The following MARCHF1 variants were observed in gnomAD, a reference collection of about 807,000 sequenced individuals.
The protein encoded by MARCHF1 is membrane associated ring-CH-type finger 1.
Under a neutral mutation model 54.2 loss-of-function variants are expected in MARCHF1, and 40 were observed. The ratio of observed to expected loss-of-function variants is 0.74; its 90% confidence interval spans 0.57 to 0.96. The LOEUF is 0.96. Ranked by LOEUF, MARCHF1 falls within the 40% of genes least tolerant of loss-of-function variation. The probability of loss-of-function intolerance (pLI) is 0.00; values close to 1 mark genes in which losing one functional copy is unlikely to be tolerated. For missense variants in MARCHF1, 586 were observed against 656.5 expected (o/e 0.89, Z 1.17); for synonymous variants, 236 against 236.3 (o/e 1.00, Z 0.01).
intron 4 of MARCHF1, among the ~76,000 whole-genome samples, chr4:163,853,696 AG>A (rs1265011373): frequency 1.3e-5 from 2 of 152,156 alleles, no homozygotes; most frequent in African/African-American, 4.8e-5. Context: ...TTTCTTCCAA[AG>A]GTTTCATTAC....
chr4:164,260,548 A>G (rs1733433109), intron 1 of MARCHF1, among the ~76,000 whole-genome samples: 1 of 152,018 alleles, frequency 6.6e-6, no homozygotes. Context: ...CTCACATTAG[A>G]TGTTTCTCTT....
intron 4 of MARCHF1, among the ~76,000 whole-genome samples, chr4:163,789,768 C>T (rs1393764847): frequency 6.6e-6 from 1 of 151,898 alleles, no homozygotes; most frequent in African/African-American, 2.4e-5. Context: ...ACTTGGACTT[C>T]TTTTTTTATT....
chr4:163,787,947 C>A (rs772596711), intron 4 of MARCHF1, among the ~76,000 whole-genome samples: 3 of 151,946 alleles, frequency 2.0e-5, no homozygotes, highest in Admixed American at 1.3e-4. Context: ...CCCTCAAGGA[C>A]AATTATGCTG....
chr4:163,969,625 T>C (rs1752510529), intron 3 of MARCHF1, among the ~76,000 whole-genome samples: 1 of 152,230 alleles, frequency 6.6e-6, no homozygotes, highest in Admixed American at 6.5e-5. Flanking sequence ...TATGTTGTAG[T>C]CCATCTGGAT....
chr4:163,759,183 AC>A (rs1373791505), intron 4 of MARCHF1, among the ~76,000 whole-genome samples: 1 of 145,414 alleles, frequency 6.9e-6, no homozygotes, highest in African/African-American at 2.8e-5. Context: ...GAAAGTAGAG[AC>A]CTTTTTTTTT....
At chr4:163,562,067 TG>T (rs1441797674) in intron 8 of MARCHF1, among the ~76,000 whole-genome samples, 3 of 151,882 alleles carry the variant, frequency 2.0e-5, no homozygotes, top group Non-Finnish European at 4.4e-5. Flanking sequence ...GAGGCCGAGG[TG>T]GGCAGATCAC....
At chr4:164,102,521 A>G (rs1341986460) in intron 2 of MARCHF1, among the ~76,000 whole-genome samples, 1 of 150,492 alleles carries the variant, frequency 6.6e-6, no homozygotes, top group Admixed American at 6.6e-5. Context: ...ACTAAGCTTC[A>G]TAAGTGAAGG....
intron 3 of MARCHF1, among the ~76,000 whole-genome samples, chr4:163,983,456 A>G (rs1259655724): frequency 1.3e-5 from 2 of 152,204 alleles, no homozygotes; most frequent in Admixed American, 6.5e-5. Context: ...GTCATATTTT[A>G]TAATAGCACC....
chr4:163,691,724 G>A (rs1561022273), intron 5 of MARCHF1, among the ~76,000 whole-genome samples: 1 of 152,026 alleles, frequency 6.6e-6, no homozygotes, highest in South Asian at 2.1e-4. Context: ...GCTATGTTGA[G>A]GTGAAACAAA....
intron 4 of MARCHF1, among the ~76,000 whole-genome samples, chr4:163,759,111 T>G (rs1380254329): frequency 6.6e-6 from 1 of 152,022 alleles, no homozygotes; most frequent in Non-Finnish European, 1.5e-5. Context: ...TATTCACTTT[T>G]TTTTTTCCTA....
chr4:164,074,929 A>C (rs994313208), intron 2 of MARCHF1, among the ~76,000 whole-genome samples: 6 of 151,570 alleles, frequency 4.0e-5, no homozygotes, highest in Non-Finnish European at 8.8e-5. Flanking sequence ...ATAAAATATA[A>C]TTTCTTATAA....
chr4:164,213,704 C>A (rs756777923), intron 1 of MARCHF1, among the ~76,000 whole-genome samples: 5 of 151,776 alleles, frequency 3.3e-5, no homozygotes, highest in Non-Finnish European at 7.4e-5. Context: ...AATGAGATGT[C>A]CTTTAGATGA....
chr4:163,741,992 A>G (rs756223028), intron 4 of MARCHF1, among the ~76,000 whole-genome samples: 7 of 152,202 alleles, frequency 4.6e-5, no homozygotes, highest in Admixed American at 6.5e-5. Context: ...TAGTCTCATC[A>G]TCTGAAGTTT....
chr4:164,101,962 A>C (rs1025430757), intron 2 of MARCHF1, among the ~76,000 whole-genome samples: 1 of 144,796 alleles, frequency 6.9e-6, no homozygotes, highest in African/African-American at 2.6e-5. Flanking sequence ...AACTACGTGA[A>C]GAATGCAGAA....
intron 1 of MARCHF1, among the ~76,000 whole-genome samples, chr4:164,240,961 G>C (rs528527650): frequency 6.6e-6 from 1 of 152,260 alleles, no homozygotes; most frequent in South Asian, 2.1e-4. Context: ...CTTGCTTACT[G>C]CTCAGGAGTC....
intron 3 of MARCHF1, among the ~76,000 whole-genome samples, chr4:163,897,817 G>A (rs1207502235): frequency 3.3e-5 from 5 of 152,040 alleles, no homozygotes; most frequent in Non-Finnish European, 5.9e-5. Context: ...AGCACTTTGG[G>A]AGGCCGAGGC....
chr4:163,547,513 C>A (rs1579050626), intron 8 of MARCHF1, among the ~76,000 whole-genome samples: 1 of 152,282 alleles, frequency 6.6e-6, no homozygotes, highest in African/African-American at 2.4e-5. Flanking sequence ...GGAGAGTGTT[C>A]ATCTTGCAAT....
rs549718328 is a variant in MARCHF1 at position 164,318,302 on chromosome 4, T to C, written c.-323+65568A>G. On this transcript the variant is annotated intron_variant, in intron 1 of 9. Transcript: ENST00000514618. ...TGCAGGTGATAGCCAAAAAGTAAAA[T>C]CCACAGTGCAAGGCAATGTTTGATG... is the stretch of plus-strand genomic sequence containing the variant. Among the ~76,000 whole-genome samples the C allele has an allele frequency of 2.0e-5, 3 of 152,140 alleles. No homozygotes were observed. The South Asian group carries it at 6.2e-4, about 32-fold the overall frequency.
chr4:164,168,980 T>C (rs1730454665), intron 1 of MARCHF1, among the ~76,000 whole-genome samples: 1 of 151,988 alleles, frequency 6.6e-6, no homozygotes, highest in Non-Finnish European at 1.5e-5. Context: ...GGATAAAAAG[T>C]AGCAGCTATG....
Sources: allele counts gnomAD v4.1 joint callset (sites outside exome capture counted in the v4.1 genomes callset), GRCh38; gene constraint gnomAD v4.1.1; transcripts MANE v1.5; gene names NCBI Gene and HGNC (gene_info 2026-07-23, HGNC 2026-07-21).